PCED1B: variants seen among roughly 807,000 people sequenced by gnomAD.
The protein encoded by PCED1B is PC-esterase domain containing 1B, also known as PC-esterase domain-containing protein 1B.
For missense variants in PCED1B, 573 were observed against 573.9 expected (o/e 1.00, Z 0.02); for synonymous variants, 251 against 246.1 (o/e 1.02, Z -0.19).
At chr12:47,136,191 C>G (rs1047522573) in intron 2 of PCED1B, among the ~76,000 whole-genome samples, 1 of 147,110 alleles carries the variant, frequency 6.8e-6, no homozygotes. Flanking sequence ...TACTTTTGCT[C>G]TGTAAGATGC....
chr12:47,202,588 C>T (rs1273917559), intron 2 of PCED1B, among the ~76,000 whole-genome samples: 1 of 67,934 alleles, frequency 1.5e-5, no homozygotes, highest in Non-Finnish European at 2.7e-5. Flanking sequence ...CACGTCTAGA[C>T]ATTAGTAAAA....
chr12:47,204,712 C>T (rs1410829471), intron 2 of PCED1B, among the ~76,000 whole-genome samples: 1 of 152,118 alleles, frequency 6.6e-6, no homozygotes, highest in African/African-American at 2.4e-5. Context: ...GGAGGCAGGT[C>T]ATGCATCTAA....
chr12:47,171,668 A>G (rs565044425), intron 2 of PCED1B, among the ~76,000 whole-genome samples: 1 of 152,306 alleles, frequency 6.6e-6, no homozygotes, highest in South Asian at 2.1e-4. Context: ...CTCCTGATAA[A>G]AGAAAGATAA....
chr12:47,109,960 T>C (rs1158678442), intron 2 of PCED1B, among the ~76,000 whole-genome samples: 2 of 152,136 alleles, frequency 1.3e-5, no homozygotes, highest in African/African-American at 2.4e-5. Flanking sequence ...ATGTTGAAAT[T>C]TGGGCAGTAT....
chr12:47,213,941 T>C (rs545183379), intron 2 of PCED1B, among the ~76,000 whole-genome samples: 1 of 152,252 alleles, frequency 6.6e-6, no homozygotes, highest in Non-Finnish European at 1.5e-5. Flanking sequence ...TTCTCTGGTC[T>C]TGGGATGATT....
Position 47,160,248 on chromosome 12 carries a change from G to A in PCED1B, c.-525-55974G>A, listed in dbSNP as rs147962930. On this transcript the variant is annotated intron_variant, in intron 2 of 3. Coordinates refer to ENST00000546455, the MANE Select transcript of PCED1B (RefSeq NM_138371.3). ...AGTCCAATTTGTTTATTTTGTTGTT[G>A]TTGGCTGTTTTTCTTTTCTTTTCTT... 3.7e-3 allele frequency among the ~76,000 whole-genome samples: 491 copies of A among 133,196 alleles called. 8 individuals are homozygous for A. In the South Asian group the frequency reaches 0.046, roughly 13 times the overall value. 87.4% of individuals were successfully genotyped at this position (133,196 alleles called of 152,430 possible).
At chr12:47,175,584 T>G (rs199751233) in intron 2 of PCED1B, among the ~76,000 whole-genome samples, 36 of 148,914 alleles carry the variant, frequency 2.4e-4, no homozygotes, top group South Asian at 8.6e-4. Flanking sequence ...ATGTATGTAT[T>G]TATTTTGAGA....
At chr12:47,150,445 G>A (rs1940948172) in intron 2 of PCED1B, among the ~76,000 whole-genome samples, 1 of 152,010 alleles carries the variant, frequency 6.6e-6, no homozygotes, top group Admixed American at 6.6e-5. Context: ...GGGCACAGTG[G>A]TGCGTGCCTG....
chr12:47,142,184 C>T (rs774299773), intron 2 of PCED1B, among the ~76,000 whole-genome samples: 9 of 152,108 alleles, frequency 5.9e-5, no homozygotes, highest in African/African-American at 1.7e-4. Context: ...AGAGAGGATC[C>T]GTGCTCACTT....
At chr12:47,229,418 A>G (rs1016060538) in intron 3 of PCED1B, among the ~76,000 whole-genome samples, 1 of 151,876 alleles carries the variant, frequency 6.6e-6, no homozygotes, top group Non-Finnish European at 1.5e-5. Context: ...GCTTCTCAAA[A>G]AAAAAAAAAA....
Position 47,236,361 on chromosome 12 carries a change from A to G in PCED1B, c.1298A>G (p.Ter433TrpextTer10). Residue 433 changes from the stop codon to tryptophan, a stop_lost, in exon 4 of 4, where the codon TAG becomes TGG. Coordinates refer to ENST00000546455, the MANE Select transcript of PCED1B (RefSeq NM_138371.3). ...GCCAATCCTGAGCCAAGGCCTCAAT[A>G]GACGGACCTAGGCCTTATTTCCTCT... is the stretch of plus-strand genomic sequence containing the variant. ...APANPEPRPQ[*>W] 1 of 1,578,136 alleles carries G rather than the reference A, an allele frequency of 6.3e-7. No individual in the cohort carries two copies. The highest frequency in any genetic ancestry group is 8.6e-7 in the Non-Finnish European group (1 of 1,164,362).
chr12:47,236,345 G>A lies in PCED1B; in HGVS notation c.1282G>A (p.Glu428Lys), dbSNP rs145379534. 1.9e-6 allele frequency: 3 copies of A among 1,603,634 alleles called. No homozygotes were observed. In the African/African-American group the frequency reaches 4.0e-5, roughly 22 times the overall value. The stretch of plus-strand genomic sequence containing the variant: ...AAAGAGAAGGGCCCCAGCCAATCCT[G>A]AGCCAAGGCCTCAATAGACGGACCT... ...PSKRRAPANP[E>K]PRPQ The change falls in exon 4 of 4, where the codon GAG (glutamate) becomes AAG (lysine). Residue 428 changes from glutamate (E) to lysine (K), a missense_variant. Physicochemically the swap from Glu to Lys is moderately conservative, Grantham distance 56. Coordinates refer to ENST00000546455, the MANE Select transcript of PCED1B (RefSeq NM_138371.3).
At chr12:47,099,973 A>C (rs978304187) in intron 1 of PCED1B, among the ~76,000 whole-genome samples, 1 of 152,228 alleles carries the variant, frequency 6.6e-6, no homozygotes, top group Non-Finnish European at 1.5e-5. Flanking sequence ...CAGGTGTATA[A>C]ACTCAGTGAC....
At chr12:47,156,860 T>C (rs894386183) in intron 2 of PCED1B, among the ~76,000 whole-genome samples, 1 of 152,312 alleles carries the variant, frequency 6.6e-6, no homozygotes, top group Non-Finnish European at 1.5e-5. Flanking sequence ...GCTGTGATCT[T>C]GGCCAAGTCA....
At chr12:47,149,801 T>G (rs1375140974) in intron 2 of PCED1B, among the ~76,000 whole-genome samples, 4 of 152,202 alleles carry the variant, frequency 2.6e-5, no homozygotes, top group African/African-American at 4.8e-5. Flanking sequence ...AACATTCTAA[T>G]GAATAGACTA....
intron 1 of PCED1B, among the ~76,000 whole-genome samples, chr12:47,090,892 G>A (rs1293613663): frequency 6.6e-6 from 1 of 150,666 alleles, no homozygotes; most frequent in Non-Finnish European, 1.5e-5. Context: ...TTGGAACATT[G>A]TTCCAAAAAT....
intron 2 of PCED1B, among the ~76,000 whole-genome samples, chr12:47,134,038 CTGT>C (rs1181432311): frequency 1.1e-4 from 17 of 152,186 alleles, no homozygotes; most frequent in Admixed American, 1.1e-3. Context: ...AAATGAATTT[CTGT>C]TGTTTATAAG....
At chr12:47,141,216 G>A (rs1421552410) in intron 2 of PCED1B, among the ~76,000 whole-genome samples, 4 of 152,180 alleles carry the variant, frequency 2.6e-5, no homozygotes, top group African/African-American at 9.7e-5. Flanking sequence ...GAGGTCCCTT[G>A]ATCATATTTC....
At chr12:47,184,839 T>C (rs1237461327) in intron 2 of PCED1B, among the ~76,000 whole-genome samples, 1 of 152,226 alleles carries the variant, frequency 6.6e-6, no homozygotes, top group African/African-American at 2.4e-5. Flanking sequence ...AATTTTATTA[T>C]GAACTAGGGA....
Sources: allele counts gnomAD v4.1 joint callset (sites outside exome capture counted in the v4.1 genomes callset), GRCh38; gene constraint gnomAD v4.1.1; transcripts MANE v1.5; gene names NCBI Gene and HGNC (gene_info 2026-07-23, HGNC 2026-07-21).